The following DLGAP2 variants were observed in gnomAD, a reference collection of about 807,000 sequenced individuals.
DLGAP2 encodes the protein disks large-associated protein 2.
In DLGAP2, 26 loss-of-function variants were observed where a neutral mutation model predicts 100.3. That is an observed-to-expected ratio of 0.26 (90% confidence interval 0.19 to 0.36). The LOEUF (loss-of-function observed/expected upper bound fraction) is 0.36, where lower values mean the gene tolerates loss of function less well. DLGAP2 is among the 10% of genes least tolerant of loss of function. The pLI, the probability that DLGAP2 is intolerant of heterozygous loss-of-function variation, is 1.00. For synonymous variants in DLGAP2, 886 were observed against 630.1 expected (o/e 1.41, Z -6.08); for missense variants, 1,858 against 1,453.2 (o/e 1.28, Z -4.53).
intron 2 of DLGAP2, among the ~76,000 whole-genome samples, chr8:1,039,849 G>C (rs1331547009): frequency 6.7e-6 from 1 of 148,512 alleles, no homozygotes; most frequent in Non-Finnish European, 1.5e-5. Context: ...TGCATGTTCA[G>C]CTCGGTGTGC....
chr8:1,233,942 T>G (rs1383177826), intron 2 of DLGAP2, among the ~76,000 whole-genome samples: 3 of 152,202 alleles, frequency 2.0e-5, no homozygotes, highest in African/African-American at 7.2e-5. Context: ...GGACTTAAGG[T>G]GTCCTAGGAC....
chr8:1,677,186 T>C (rs1326731243), intron 11 of DLGAP2, among the ~76,000 whole-genome samples: 1 of 152,214 alleles, frequency 6.6e-6, no homozygotes, highest in Non-Finnish European at 1.5e-5. Flanking sequence ...GCTCAGCCAA[T>C]GTGTGACAGG....
intron 2 of DLGAP2, among the ~76,000 whole-genome samples, chr8:1,126,206 T>C (rs1796159980): frequency 6.6e-6 from 1 of 152,242 alleles, no homozygotes; most frequent in Admixed American, 6.5e-5. Flanking sequence ...GGCAGAGCCA[T>C]GGATTTTCAC....
At chr8:954,301 C>G (rs1017587207) in intron 2 of DLGAP2, among the ~76,000 whole-genome samples, 2 of 152,164 alleles carry the variant, frequency 1.3e-5, no homozygotes, top group African/African-American at 4.8e-5. Context: ...AACCCCAGAA[C>G]CTGTTCATCT....
At chr8:1,211,154 T>G (rs781167107) in intron 2 of DLGAP2, among the ~76,000 whole-genome samples, 1 of 152,230 alleles carries the variant, frequency 6.6e-6, no homozygotes, top group East Asian at 1.9e-4. Context: ...CATGATCTCA[T>G]GTGAACAGGC....
chr8:1,374,933 G>A (rs1009952832), intron 3 of DLGAP2, among the ~76,000 whole-genome samples: 1 of 152,008 alleles, frequency 6.6e-6, no homozygotes, highest in Non-Finnish European at 1.5e-5. Context: ...CGACAGCCAG[G>A]GCATTGTCCT....
chr8:813,474 T>C (rs754792508), intron 1 of DLGAP2, among the ~76,000 whole-genome samples: 3 of 152,206 alleles, frequency 2.0e-5, no homozygotes, highest in Admixed American at 6.5e-5. Flanking sequence ...TCATGTGAAA[T>C]AGAAACATGA....
intron 2 of DLGAP2, among the ~76,000 whole-genome samples, chr8:1,234,586 C>G (rs184730961): frequency 1.5e-4 from 23 of 152,250 alleles, no homozygotes; most frequent in African/African-American, 4.1e-4. Flanking sequence ...GAGGACTTCA[C>G]ATTTGAATTT....
chr8:1,557,588 G>C (rs964686681), intron 5 of DLGAP2, among the ~76,000 whole-genome samples: 7 of 152,104 alleles, frequency 4.6e-5, no homozygotes, highest in African/African-American at 1.4e-4. Flanking sequence ...GGTGGTGCGT[G>C]AGTCAGCTCG....
intron 2 of DLGAP2, among the ~76,000 whole-genome samples, chr8:1,038,453 G>A (rs1585001615): frequency 6.6e-6 from 1 of 152,160 alleles, no homozygotes; most frequent in Non-Finnish European, 1.5e-5. Flanking sequence ...TAAAATGATG[G>A]TGTTGGTATC....
rs951457251 is a variant in DLGAP2, at chr8:1,263,978, C to T, written c.106+5095C>T. 2.0e-5 allele frequency among the ~76,000 whole-genome samples: 3 copies of T among 152,216 alleles called. 1 individual carries two copies. Among genetic ancestry groups the T allele is most frequent in the Non-Finnish European group, 4.4e-5 (3 of 68,020 alleles). On this transcript the variant is annotated intron_variant, in intron 3 of 14. Coordinates refer to ENST00000637795, the MANE Select transcript of DLGAP2 (RefSeq NM_001346810.2). ...GCTCTAGCCAGTCTGTCTTCTAGGA[C>T]CTGAACATGGTTAGGGTTTTGGTGG... is the stretch of plus-strand genomic sequence containing the variant.
At chr8:760,459 A>C (rs941050219) in intron 1 of DLGAP2, among the ~76,000 whole-genome samples, 1 of 152,044 alleles carries the variant, frequency 6.6e-6, no homozygotes, top group Admixed American at 6.5e-5. Flanking sequence ...AATTTCCTAA[A>C]GTTTCTCATC....
intron 2 of DLGAP2, among the ~76,000 whole-genome samples, chr8:1,040,986 A>G (rs1428748760): frequency 6.6e-5 from 10 of 152,174 alleles, no homozygotes; most frequent in Non-Finnish European, 8.8e-5. Flanking sequence ...GAAACAACAT[A>G]CATAGGACAT....
In DLGAP2 at chr8:1,194,299, G is replaced by A. The variant is rs79496855; in HGVS notation, c.74-64552G>A. Among the ~76,000 whole-genome samples the A allele has an allele frequency of 1.8e-3, 277 of 152,226 alleles. 2 individuals carry two copies. Among genetic ancestry groups the A allele is most frequent in the African/African-American group, 6.2e-3 (258 of 41,554 alleles). ...AGAGTGAACCTGCAAGAGACAAGCA[G>A]ACGTTGGCAGTGCCGCGTCCCGGCT... On this transcript the variant is annotated intron_variant, in intron 2 of 14. Coordinates refer to ENST00000637795, the MANE Select transcript of DLGAP2 (RefSeq NM_001346810.2).
chr8:1,063,597 T>C (rs919989518), intron 2 of DLGAP2, among the ~76,000 whole-genome samples: 16 of 151,988 alleles, frequency 1.1e-4, no homozygotes, highest in Admixed American at 1.3e-4. Context: ...GTCTAGCCTC[T>C]TTCTGATGAA....
intron 2 of DLGAP2, among the ~76,000 whole-genome samples, chr8:1,246,288 T>C (rs1241385434): frequency 1.3e-5 from 2 of 152,300 alleles, no homozygotes; most frequent in East Asian, 1.9e-4. Flanking sequence ...TCTGGACATA[T>C]ATAAACAAAT....
At chr8:1,272,186 G>A (rs961692616) in intron 3 of DLGAP2, among the ~76,000 whole-genome samples, 1 of 152,176 alleles carries the variant, frequency 6.6e-6, no homozygotes, top group Non-Finnish European at 1.5e-5. Context: ...CATTTTAAAA[G>A]CAATTAGGAT....
At chr8:1,085,077 C>T (rs11136346) in intron 2 of DLGAP2, among the ~76,000 whole-genome samples, 136,073 of 152,234 alleles carry the variant, frequency 0.89, 61,601 homozygotes, top group Non-Finnish European at 0.96. Flanking sequence ...TGAGCTGATA[C>T]GTGATTTGAT....
intron 6 of DLGAP2, among the ~76,000 whole-genome samples, chr8:1,614,866 C>T (rs997289364): frequency 6.6e-6 from 1 of 152,244 alleles, no homozygotes; most frequent in Non-Finnish European, 1.5e-5. Flanking sequence ...CACACGCACA[C>T]ACACACACGC....
Sources: gnomAD v4.1 joint callset for allele counts (sites outside exome capture counted in the v4.1 genomes callset) on GRCh38, gnomAD v4.1.1 for gene constraint, MANE v1.5 for transcripts, NCBI Gene and HGNC (gene_info 2026-07-23, HGNC 2026-07-21) for gene names.